C6orf89: variants seen among roughly 807,000 people sequenced by gnomAD.
C6orf89 encodes the protein chromosome 6 open reading frame 89, also known as bombesin receptor-activated protein C6orf89.
In C6orf89, 29 loss-of-function variants were observed where a neutral mutation model predicts 40.7. That is an observed-to-expected ratio of 0.71 (90% confidence interval 0.53 to 0.97). The LOEUF is 0.97. Among genes scored for constraint, C6orf89 ranks in the 50% least tolerant of loss-of-function variants. The pLI, the probability that C6orf89 is intolerant of heterozygous loss-of-function variation, is 0.00. For synonymous variants in C6orf89, 165 were observed against 152.2 expected, an observed-to-expected ratio of 1.08 and a Z score of -0.62; for missense variants, 392 against 429.1, an observed-to-expected ratio of 0.91 and a Z score of 0.76.
chr6:36,893,155 T>C (rs954852700), intron 1 of C6orf89, among the ~76,000 whole-genome samples: 12 of 151,498 alleles, frequency 7.9e-5, no homozygotes, highest in African/African-American at 2.9e-4. Flanking sequence ...AGGATGGTCT[T>C]GATCTCCTGA....
chr6:36,894,972 C>T (rs554773397), intron 2 of C6orf89, among the ~76,000 whole-genome samples: 1 of 152,304 alleles, frequency 6.6e-6, no homozygotes, highest in Non-Finnish European at 1.5e-5. Flanking sequence ...CCGAAATCAT[C>T]TCACTAGCAA....
chr6:36,872,304 G>A (rs1323425170), intron 1 of C6orf89, among the ~76,000 whole-genome samples: 1 of 152,046 alleles, frequency 6.6e-6, no homozygotes, highest in Non-Finnish European at 1.5e-5. Flanking sequence ...CTGGGTGGGG[G>A]TAGGGACTGG....
chr6:36,890,725 G>C (rs957299466), intron 1 of C6orf89, among the ~76,000 whole-genome samples: 3 of 152,074 alleles, frequency 2.0e-5, no homozygotes, highest in African/African-American at 4.8e-5. Context: ...GTAGAGACAG[G>C]GTTTTGCTAT....
chr6:36,900,504 A>AT (rs1761635104), intron 3 of C6orf89, among the ~76,000 whole-genome samples: 1 of 144,320 alleles, frequency 6.9e-6, no homozygotes, highest in South Asian at 2.2e-4. Flanking sequence ...ACCTGAACAG[A>AT]TTTTTTATTT....
chr6:36,914,187 A>G, intron 4 of C6orf89, 97 bp from the exon 5 acceptor site: 1 of 1,123,584 alleles, frequency 8.9e-7, no homozygotes, highest in Non-Finnish European at 1.3e-6. Flanking sequence ...AAAAGTCATT[A>G]TGATGTCTTT....
intron 3 of C6orf89, among the ~76,000 whole-genome samples, chr6:36,901,111 G>T (rs981690182): frequency 6.6e-6 from 1 of 151,744 alleles, no homozygotes; most frequent in Non-Finnish European, 1.5e-5. Flanking sequence ...CTCCCAAAGT[G>T]CTGGGATTAC....
chr6:36,888,963 C>T (rs6910832), intron 1 of C6orf89, among the ~76,000 whole-genome samples: 66,682 of 151,910 alleles, frequency 0.44, 15,245 homozygotes, highest in East Asian at 0.66. Flanking sequence ...AGACACATTA[C>T]ATACAGGGAG....
At chr6:36,897,446 TGTA>T (rs141239578) in intron 2 of C6orf89, among the ~76,000 whole-genome samples, 1 of 152,346 alleles carries the variant, frequency 6.6e-6, no homozygotes, top group East Asian at 1.9e-4. Context: ...AGCTTTTAAG[TGTA>T]TCCACATAGT....
At chr6:36,874,603 C>T in intron 1 of C6orf89, 1 of 1,390,148 alleles carries the variant, frequency 7.2e-7, no homozygotes, top group Non-Finnish European at 1.0e-6. Context: ...CGCTGCTCCA[C>T]GCCCCTCCAC....
intron 1 of C6orf89, chr6:36,874,582 G>A (rs1031506611): frequency 5.2e-5 from 63 of 1,202,022 alleles, no homozygotes; most frequent in Middle Eastern, 2.7e-4. Flanking sequence ...CCCTCTGGGG[G>A]CCGTCTCGGC....
rs1433726465 is a variant in C6orf89, at chr6:36,899,547, A to G, written c.103A>G (p.Ile35Val). The G allele has an allele frequency of 1.2e-6, 2 of 1,614,072 alleles. No homozygotes were observed. Among genetic ancestry groups the G allele is most frequent in the East Asian group, 2.2e-5 (1 of 44,896 alleles). Residue 35 changes from isoleucine (I) to valine (V), a missense_variant, in exon 3 of 9, where the codon ATT (isoleucine) becomes GTT (valine). Ile to Val is a conservative substitution (Grantham distance 29). Coordinates refer to ENST00000480824, the MANE Select transcript of C6orf89 (RefSeq NM_001286635.2). ...GHQCGMSEKA[I>V]EKFIRQLLEK... ...TCAGTGTGGCATGTCAGAGAAGGCAATTGAAAAATTTATCAGACAGCTGCT... is the reference window on the plus strand; with the variant it reads ...TCAGTGTGGCATGTCAGAGAAGGCAGTTGAAAAATTTATCAGACAGCTGCT...
At chr6:36,919,548 T>TTTTCCTCCCCTCCTCATTC in intron 7 of C6orf89, 30 bp from the exon 8 acceptor site, 1 of 1,594,286 alleles carries the variant, frequency 6.3e-7, no homozygotes, top group Non-Finnish European at 8.6e-7. Context: ...TTTGCCTTCC[T>TTTTCCTCCCCTCCTCATTC]TTTCCTCCCC....
chr6:36,922,034 C>T (rs1481110351), intron 8 of C6orf89, among the ~76,000 whole-genome samples: 2 of 151,734 alleles, frequency 1.3e-5, no homozygotes, highest in Non-Finnish European at 2.9e-5. Context: ...TCTCTAAAAT[C>T]ACTGAATTAA....
chr6:36,911,981 C>T (rs1762145638), intron 4 of C6orf89, among the ~76,000 whole-genome samples: 1 of 143,072 alleles, frequency 7.0e-6, no homozygotes, highest in African/African-American at 2.5e-5. Flanking sequence ...AAAATATAAC[C>T]AGATCTTCCT....
chr6:36,919,663 G>A lies in C6orf89; in HGVS notation c.911G>A (p.Cys304Tyr). 1 of 1,614,116 alleles carries A rather than the reference G, an allele frequency of 6.2e-7. No homozygotes were observed. Among genetic ancestry groups the A allele is most frequent in the East Asian group, 2.2e-5 (1 of 44,894 alleles). ...CCTCCCTTCCAGTGCCGAAGACATT[G>A]TCAGTCTGTGGCCATGCCAATAGAG... Reference protein sequence around the residue: ...LIPPFQCRRHCQSVAMPIEPG... With the variant: ...LIPPFQCRRHYQSVAMPIEPG... The change falls in exon 8 of 9, where the codon TGT becomes TAT. Residue 304 changes from cysteine (C) to tyrosine (Y), a missense_variant. By Grantham distance (194) the Cys-to-Tyr change is radical (BLOSUM62 -2). Transcript: ENST00000480824.
chr6:36,874,037 G>A (rs950126701), intron 1 of C6orf89, among the ~76,000 whole-genome samples: 2 of 152,240 alleles, frequency 1.3e-5, no homozygotes, highest in Non-Finnish European at 2.9e-5. Flanking sequence ...GGTGAGACGA[G>A]CACACCAGGC....
Position 36,923,371 on chromosome 6 carries a change from A to C in C6orf89, c.974A>C (p.Lys325Thr). The C allele has an allele frequency of 1.2e-6, 2 of 1,614,060 alleles. 1 individual carries two copies. Among genetic ancestry groups the C allele is most frequent in the South Asian group, 2.2e-5 (2 of 91,088 alleles). The change falls in exon 9 of 9, where the codon AAG (lysine) becomes ACG (threonine). Residue 325 changes from lysine to threonine, a missense_variant. By Grantham distance (78) the Lys-to-Thr change is moderately conservative. Transcript: ENST00000480824. ...DIGYVDTTHW[K>T]VYVIARGVQP... ...GGCTATGTCGACACCACCCACTGGAAGGTCTACGTTATAGCCAGAGGGGTC... is the reference window on the plus strand; with the variant it reads ...GGCTATGTCGACACCACCCACTGGACGGTCTACGTTATAGCCAGAGGGGTC...
At position 36,926,314 on chromosome 6, in the gene C6orf89, C is replaced by G. The variant is rs1450271988; in HGVS notation, c.*2873C>G. The G allele has an allele frequency of 6.6e-6, 1 of 152,104 alleles. No homozygotes were observed. Among genetic ancestry groups the G allele is most frequent in the Non-Finnish European group, 1.5e-5 (1 of 68,036 alleles). The allele number at this position is 152,104 out of a possible 1,614,324, so 9.4% of individuals were successfully genotyped here. On this transcript the variant is annotated 3_prime_UTR_variant, in exon 9 of 9. Transcript: ENST00000480824. ...TTGGGAGGCTGAGGCAGGCAGATCA[C>G]TTGAGGTCAGGAGTTCAAGACCAGC...
intron 1 of C6orf89, among the ~76,000 whole-genome samples, chr6:36,876,197 C>T (rs1017769842): frequency 7.2e-5 from 11 of 152,048 alleles, no homozygotes; most frequent in African/African-American, 2.7e-4. Context: ...CTGTGTATCT[C>T]GGGAGTCATG....
Sources: allele counts gnomAD v4.1 joint callset (sites outside exome capture counted in the v4.1 genomes callset), GRCh38; gene constraint gnomAD v4.1.1; transcripts MANE v1.5; gene names NCBI Gene and HGNC (gene_info 2026-07-23, HGNC 2026-07-21).